STPG4: variants seen among roughly 807,000 people sequenced by gnomAD.
The protein encoded by STPG4 is sperm-tail PG-rich repeat containing 4.
In STPG4, 41 loss-of-function variants were observed where a neutral mutation model predicts 31.5. That is an observed-to-expected ratio of 1.30 (90% CI 1.01 to 1.69). The LOEUF is 1.69. Among genes scored for constraint, STPG4 ranks in the 40% most tolerant of loss-of-function variants. The pLI is 0.00. For missense variants in STPG4, 375 were observed against 293.4 expected (o/e 1.28, Z -2.03); for synonymous variants, 141 against 103.0 (o/e 1.37, Z -2.24).
intron 5 of STPG4, among the ~76,000 whole-genome samples, chr2:47,100,778 C>T (rs1002753377): frequency 6.6e-6 from 1 of 151,724 alleles, no homozygotes; most frequent in Admixed American, 6.6e-5. Context: ...AGAGCTGTAA[C>T]ACTCACCACG....
intron 5 of STPG4, among the ~76,000 whole-genome samples, chr2:47,107,615 C>T (rs1234349771): frequency 6.6e-6 from 1 of 152,150 alleles, no homozygotes; most frequent in South Asian, 2.1e-4. Context: ...GTGCCGCCCC[C>T]TGCTCCATGG....
intron 3 of STPG4, among the ~76,000 whole-genome samples, chr2:47,138,516 C>T (rs1477193307): frequency 6.6e-5 from 10 of 151,838 alleles, no homozygotes; most frequent in Non-Finnish European, 1.5e-4. Context: ...CTCAGCCTCC[C>T]AAGTAGCTGG....
intron 5 of STPG4, among the ~76,000 whole-genome samples, chr2:47,103,758 CCAA>C (rs963861745): frequency 6.6e-6 from 1 of 152,002 alleles, no homozygotes; most frequent in Admixed American, 6.5e-5. Context: ...ACCAGATGAT[CCAA>C]CAACAGGACT....
chr2:47,096,907 G>A (rs2103733061), intron 5 of STPG4, among the ~76,000 whole-genome samples: 1 of 152,268 alleles, frequency 6.6e-6, no homozygotes, highest in East Asian at 1.9e-4. Context: ...AATTCAATAT[G>A]AAATGAGTGA....
chr2:47,131,886 G>C (rs1174798339), intron 3 of STPG4, among the ~76,000 whole-genome samples: 2 of 152,108 alleles, frequency 1.3e-5, no homozygotes, highest in Non-Finnish European at 1.5e-5. Context: ...GGTTAAAATA[G>C]ACAGGAGAGG....
chr2:47,112,183 T>C (rs1047306531), intron 5 of STPG4, among the ~76,000 whole-genome samples: 1 of 152,206 alleles, frequency 6.6e-6, no homozygotes, highest in East Asian at 1.9e-4. Flanking sequence ...TTGTTTGTTT[T>C]TGAGACGGAG....
chr2:47,107,287 C>T (rs1014558315), intron 5 of STPG4, among the ~76,000 whole-genome samples: 7 of 152,064 alleles, frequency 4.6e-5, no homozygotes, highest in East Asian at 1.9e-4. Context: ...GAGGGAGACG[C>T]GCAAGTGGGA....
intron 5 of STPG4, among the ~76,000 whole-genome samples, chr2:47,123,151 G>A (rs917678946): frequency 1.3e-5 from 2 of 151,998 alleles, no homozygotes; most frequent in African/African-American, 4.8e-5. Context: ...TATTCTTTCA[G>A]ATGATTTATA....
chr2:47,134,493 T>C (rs560546194), intron 3 of STPG4, among the ~76,000 whole-genome samples: 15 of 152,374 alleles, frequency 9.8e-5, no homozygotes, highest in African/African-American at 3.4e-4. Flanking sequence ...CACTTCGTGA[T>C]ATGCATTTAT....
intron 5 of STPG4, among the ~76,000 whole-genome samples, chr2:47,126,425 G>A (rs4455209): frequency 0.72 from 109,691 of 152,058 alleles, 40,851 homozygotes; most frequent in East Asian, 0.92. Context: ...TCCTGGGCTC[G>A]AGTGATCCTC....
chr2:47,090,173 C>T (rs981451183), intron 6 of STPG4, 97 bp downstream of exon 6: 182 of 784,732 alleles, frequency 2.3e-4, no homozygotes, highest in Middle Eastern at 2.3e-4. Flanking sequence ...CCCATCTCAC[C>T]ACCACCCCGC....
chr2:47,141,131 C>G (rs1686695486), intron 3 of STPG4, among the ~76,000 whole-genome samples: 1 of 151,952 alleles, frequency 6.6e-6, no homozygotes, highest in South Asian at 2.1e-4. Context: ...AAGTGATCTG[C>G]CCCCCTCGGC....
intron 2 of STPG4, 111 bp downstream of exon 2, chr2:47,152,846 G>A: frequency 1.3e-6 from 1 of 749,982 alleles, no homozygotes; most frequent in Admixed American, 2.9e-5. Context: ...ATGCAGATCT[G>A]AACAATCACT....
intron 5 of STPG4, among the ~76,000 whole-genome samples, chr2:47,095,083 C>T (rs4952868): frequency 0.39 from 58,703 of 152,088 alleles, 12,709 homozygotes; most frequent in Middle Eastern, 0.53. Context: ...TGTTAGGCAT[C>T]AAATTCTATA....
chr2:47,134,286 A>G (rs957913703), intron 3 of STPG4, among the ~76,000 whole-genome samples: 24 of 152,214 alleles, frequency 1.6e-4, no homozygotes, highest in African/African-American at 5.8e-4. Context: ...ATGAATGTGC[A>G]ATGACATGTA....
chr2:47,090,151 C>T, intron 6 of STPG4, 119 bp downstream of exon 6: 1 of 679,146 alleles, frequency 1.5e-6, no homozygotes, highest in Non-Finnish European at 2.6e-6. Context: ...ACTGTACACA[C>T]ATGATCATTC....
chr2:47,104,451 C>G (rs71423940), intron 5 of STPG4, among the ~76,000 whole-genome samples: 8,334 of 151,974 alleles, frequency 0.055, 421 homozygotes, highest in African/African-American at 0.11. Context: ...CAGTTGTACC[C>G]AACCCCTATA....
At chr2:47,140,494 G>A (rs1207581231) in intron 3 of STPG4, among the ~76,000 whole-genome samples, 1 of 152,152 alleles carries the variant, frequency 6.6e-6, no homozygotes, top group Non-Finnish European at 1.5e-5. Flanking sequence ...TTCTTCAGTT[G>A]TAGTTCAGGT....
chr2:47,100,098 C>A (rs182123953), intron 5 of STPG4, among the ~76,000 whole-genome samples: 60 of 152,234 alleles, frequency 3.9e-4, no homozygotes, highest in Admixed American at 3.1e-3. Context: ...CATCGACCAC[C>A]CAAGGGCTGA....
Sources: allele counts gnomAD v4.1 joint callset (sites outside exome capture counted in the v4.1 genomes callset), GRCh38; gene constraint gnomAD v4.1.1; transcripts MANE v1.5; gene names NCBI Gene and HGNC (gene_info 2026-07-23, HGNC 2026-07-21).